KAZN: variants seen among roughly 807,000 people sequenced by gnomAD.
KAZN encodes the protein kazrin, periplakin interacting protein.
Under a neutral mutation model 87.4 loss-of-function variants are expected in KAZN, and 40 were observed. The ratio of observed to expected loss-of-function variants is 0.46; its 90% CI spans 0.36 to 0.60. The LOEUF is 0.60. Among genes scored for constraint, KAZN ranks in the 20% least tolerant of loss-of-function variants. KAZN has a pLI of 0.00. For synonymous variants in KAZN, 466 were observed against 458.3 expected, an observed-to-expected ratio of 1.02 and a Z score of -0.22; for missense variants, 898 against 1,073.9, an observed-to-expected ratio of 0.84 and a Z score of 2.29.
chr1:14,596,244 A>T (rs1676499926), upstream of KAZN, among the ~76,000 whole-genome samples: 1 of 152,198 alleles, frequency 6.6e-6, no homozygotes, highest in South Asian at 2.1e-4. Flanking sequence ...ACATATAAAC[A>T]GATAAATTAC....
chr1:14,649,579 A>G (rs958114599), intron 1 of KAZN, among the ~76,000 whole-genome samples: 1 of 152,194 alleles, frequency 6.6e-6, no homozygotes, highest in Non-Finnish European at 1.5e-5. Context: ...AGAAGGTCTG[A>G]GGGTTTGCCT....
At chr1:14,898,559 G>A (rs573667293) in intron 1 of KAZN, among the ~76,000 whole-genome samples, 4 of 152,318 alleles carry the variant, frequency 2.6e-5, no homozygotes, top group African/African-American at 9.6e-5. Flanking sequence ...GCCTTGGAAG[G>A]AGCAAGCAAT....
intron 1 of KAZN, among the ~76,000 whole-genome samples, chr1:13,926,463 C>T (rs1429864426): frequency 6.6e-6 from 1 of 152,148 alleles, no homozygotes; most frequent in African/African-American, 2.4e-5. Context: ...GTTTCTGAGT[C>T]ACCCGATGGC....
chr1:14,993,773 G>A (rs149587930), intron 2 of KAZN, among the ~76,000 whole-genome samples: 10 of 152,138 alleles, frequency 6.6e-5, no homozygotes, highest in Admixed American at 5.2e-4. Flanking sequence ...TATGAGAGAG[G>A]GGTCACAAGC....
intron 1 of KAZN, among the ~76,000 whole-genome samples, chr1:14,049,503 A>G (rs1642220374): frequency 6.6e-6 from 1 of 152,156 alleles, no homozygotes; most frequent in Admixed American, 6.5e-5. Flanking sequence ...TCCAATGAGT[A>G]CCTGCTGCCT....
At chr1:14,556,132 T>A (rs12745432) in intron 2 of KAZN, among the ~76,000 whole-genome samples, 32,972 of 147,724 alleles carry the variant, frequency 0.22, 3,785 homozygotes, top group Admixed American at 0.25. Flanking sequence ...TTTTTTTCAG[T>A]CGGAGTCTCA....
rs779782919 is a variant in KAZN, at chr1:14,599,751, G to A, written c.226+528G>A. Among the ~76,000 whole-genome samples, 6 of 152,288 alleles carry A rather than the reference G, an allele frequency of 3.9e-5. No individual in the cohort carries two copies. Among genetic ancestry groups the A allele is most frequent in the Middle Eastern group, 3.4e-3 (1 of 294 alleles). The stretch of plus-strand genomic sequence containing the variant: ...GGACTTTATTTTCTTCTCATTTGAG[G>A]TCTCTCAGGCATTGGAATCTATAGA... On this transcript the variant is annotated intron_variant, in intron 1 of 14. Transcript: ENST00000376030. This position sits in a 1 kb window ranked among gnomAD's most constrained non-coding sequence, Gnocchi z 4.4.
rs1573012097 is a variant in KAZN, at chr1:14,996,190, C to A, written c.418+35315C>A. Among the ~76,000 whole-genome samples the A allele has an allele frequency of 6.6e-6, 1 of 152,168 alleles. No homozygotes were observed. Among genetic ancestry groups the A allele is most frequent in the African/African-American group, 2.4e-5 (1 of 41,432 alleles). ...CTGGGTCTTGGCTCTTCATGCCCCG[C>A]CCACTCCACCCCCAGTGCCTGGCAT... On this transcript the variant is annotated intron_variant, in intron 2 of 14. Transcript: ENST00000376030. This position sits in a 1 kb window ranked among gnomAD's most constrained non-coding sequence, Gnocchi z 5.9.
Position 13,983,105 on chromosome 1 carries a change from G to C in KAZN, c.91+89349G>C, listed in dbSNP as rs188138985. On this transcript the variant is annotated intron_variant, in intron 1 of 16. Coordinates refer to the KAZN transcript ENST00000636203. ...TCAGGAGCCCAGCTGGCTTCACCCAGTGGATCTCGCACGGGGGCTGCAGGT... is the reference window on the plus strand; with the variant it reads ...TCAGGAGCCCAGCTGGCTTCACCCACTGGATCTCGCACGGGGGCTGCAGGT... Among the ~76,000 whole-genome samples, 284 of 152,398 alleles carry C rather than the reference G, an allele frequency of 1.9e-3. 1 individual carries two copies. The highest frequency in any genetic ancestry group is 6.4e-3 in the African/African-American group (268 of 41,602).
chr1:14,796,176 G>C (rs1001149986), intron 1 of KAZN, among the ~76,000 whole-genome samples: 1 of 152,068 alleles, frequency 6.6e-6, no homozygotes, highest in Non-Finnish European at 1.5e-5. Context: ...CTCTCCCTCA[G>C]AGATGTGTAA....
At chr1:14,815,553 G>T (rs1418197403) in intron 1 of KAZN, among the ~76,000 whole-genome samples, 1 of 152,224 alleles carries the variant, frequency 6.6e-6, no homozygotes, top group East Asian at 1.9e-4. Flanking sequence ...GATCTGGGCA[G>T]GATATCATTG....
chr1:14,410,415 A>C (rs1423863871), intron 2 of KAZN, among the ~76,000 whole-genome samples: 1 of 152,182 alleles, frequency 6.6e-6, no homozygotes, highest in Non-Finnish European at 1.5e-5. Flanking sequence ...TTTACTTTTA[A>C]TAGGAGTTCC....
At chr1:14,618,565 A>G (rs910665528) in intron 1 of KAZN, among the ~76,000 whole-genome samples, 1 of 152,128 alleles carries the variant, frequency 6.6e-6, no homozygotes, top group African/African-American at 2.4e-5. Flanking sequence ...CTATATATGT[A>G]TTTTCGTGTT....
At chr1:14,352,293 G>A (rs1006654547) in intron 2 of KAZN, among the ~76,000 whole-genome samples, 5 of 151,908 alleles carry the variant, frequency 3.3e-5, no homozygotes, top group Non-Finnish European at 5.9e-5. Context: ...ATGAACATTT[G>A]TAAGAGTAAA....
intron 2 of KAZN, among the ~76,000 whole-genome samples, chr1:14,436,731 A>AC (rs928810255): frequency 0.39 from 56,606 of 146,326 alleles, 12,160 homozygotes; most frequent in Middle Eastern, 0.45. Flanking sequence ...AAAAAAAAAA[A>AC]AAAAAAACCT....
chr1:14,903,320 C>T (rs377064003), intron 1 of KAZN, among the ~76,000 whole-genome samples: 3 of 152,310 alleles, frequency 2.0e-5, no homozygotes, highest in Non-Finnish European at 2.9e-5. Flanking sequence ...TGAAGTGGCC[C>T]GCTTTGAGCA....
chr1:14,145,245 C>G (rs1303316894), intron 1 of KAZN, among the ~76,000 whole-genome samples: 1 of 152,034 alleles, frequency 6.6e-6, no homozygotes, highest in Non-Finnish European at 1.5e-5. Flanking sequence ...GAGCTTGAGA[C>G]CAGCCTGGGC....
chr1:14,516,832 A>C (rs890585281), intron 2 of KAZN, among the ~76,000 whole-genome samples: 1 of 151,914 alleles, frequency 6.6e-6, no homozygotes, highest in East Asian at 1.9e-4. Context: ...CTTCTTTTCT[A>C]TCACCTTCAA....
At chr1:14,750,321 G>A (rs1378407252) in intron 1 of KAZN, among the ~76,000 whole-genome samples, 3 of 152,150 alleles carry the variant, frequency 2.0e-5, no homozygotes, top group African/African-American at 7.2e-5. Context: ...ATCAATAAAG[G>A]AGAGCAGCCA....
Sources: gnomAD v4.1 joint callset for allele counts (sites outside exome capture counted in the v4.1 genomes callset) on GRCh38, gnomAD v4.1.1 for gene constraint, Gnocchi (gnomAD v3.1) non-coding constraint, MANE v1.5 for transcripts, NCBI Gene and HGNC (gene_info 2026-07-23, HGNC 2026-07-21) for gene names.